The following LRRC66 variants were observed in gnomAD, a reference collection of about 807,000 sequenced individuals.
The protein encoded by LRRC66 is leucine rich repeat containing 66, also known as leucine-rich repeat-containing protein 66.
LRRC66 carries 29 observed loss-of-function variants against 24.6 expected under a neutral mutation model. The ratio of observed to expected loss-of-function variants is 1.18; its 90% CI spans 0.88 to 1.61. The LOEUF (loss-of-function observed/expected upper bound fraction) is 1.61, where lower values mean the gene tolerates loss of function less well. LRRC66 is among the 40% of genes most tolerant of loss of function. The pLI is 0.00. For synonymous variants in LRRC66, 411 were observed against 397.6 expected (o/e 1.03, Z -0.40); for missense variants, 1,124 against 1,058.0 (o/e 1.06, Z -0.87).
chr4:52,016,830 G>A (rs188186887), intron 2 of LRRC66, among the ~76,000 whole-genome samples: 36 of 152,188 alleles, frequency 2.4e-4, no homozygotes, highest in Non-Finnish European at 4.7e-4. Flanking sequence ...ATTAAAGTAG[G>A]TAACTTACAA....
intron 2 of LRRC66, among the ~76,000 whole-genome samples, chr4:52,004,283 C>T (rs1736525526): frequency 6.6e-6 from 1 of 152,236 alleles, no homozygotes; most frequent in Non-Finnish European, 1.5e-5. Flanking sequence ...GCTGGGATTA[C>T]AGGCATAAGC....
At chr4:52,019,157 G>A (rs1232404490) in intron 1 of LRRC66, among the ~76,000 whole-genome samples, 1 of 152,194 alleles carries the variant, frequency 6.6e-6, no homozygotes, top group African/African-American at 2.4e-5. Flanking sequence ...TTACAGGCGT[G>A]AGCCACCACA....
At chr4:52,014,785 C>T (rs936242949) in intron 2 of LRRC66, among the ~76,000 whole-genome samples, 1 of 152,200 alleles carries the variant, frequency 6.6e-6, no homozygotes, top group African/African-American at 2.4e-5. Flanking sequence ...TGAATTATAT[C>T]CAATCAGATT....
chr4:52,004,102 G>A (rs185075495), intron 2 of LRRC66, among the ~76,000 whole-genome samples: 5 of 152,094 alleles, frequency 3.3e-5, no homozygotes, highest in Non-Finnish European at 4.4e-5. Flanking sequence ...TCCCGGGTTC[G>A]AGTGATTCTC....
At chr4:52,014,044 A>G (rs950323121) in intron 2 of LRRC66, among the ~76,000 whole-genome samples, 3 of 152,242 alleles carry the variant, frequency 2.0e-5, no homozygotes, top group East Asian at 1.9e-4. Context: ...ACCTGAGATC[A>G]GGAGTTCGAG....
rs1736293356 is a variant in LRRC66, at chr4:51,995,771, G to T, written c.1251C>A (p.Asp417Glu). 1 of 1,613,988 alleles carries T rather than the reference G, an allele frequency of 6.2e-7. No homozygotes were observed. Among genetic ancestry groups the T allele is most frequent in the African/African-American group, 1.3e-5 (1 of 74,902 alleles). The change falls in exon 5 of 5, where the codon GAC becomes GAA. Residue 417 changes from aspartate to glutamate, a missense_variant. Transcript: ENST00000682860. ...AGAAGCCCTCGTTTGAATACGCGTT[G>T]TCCAGGCCAGGGCTTTTGCTCTGGC... ...KKCQSKSPGL[D>E]NAYSNEGFYD...
At position 51,995,863 on chromosome 4, in the gene LRRC66, A is replaced by G. The variant is rs371868690; in HGVS notation, c.1159T>C (p.Phe387Leu). 1.4e-5 allele frequency: 23 copies of G among 1,614,052 alleles called. No individual in the cohort carries two copies. Among genetic ancestry groups the G allele is most frequent in the Non-Finnish European group, 1.9e-5 (23 of 1,180,034 alleles). ...GCCCCCAGGCTGAAGGCGACAAGGAATGTGATGAACACTGACAGGCACACC... is the reference window on the plus strand; with the variant it reads ...GCCCCCAGGCTGAAGGCGACAAGGAGTGTGATGAACACTGACAGGCACACC... ...LAVCLSVFIT[F>L]LVAFSLGAFT... Residue 387 changes from phenylalanine to leucine, a missense_variant, in exon 5 of 5, where the codon TTC becomes CTC. Physicochemically the swap from Phe to Leu is conservative, Grantham distance 22 (BLOSUM62 0). Transcript: ENST00000682860.
At chr4:52,010,105 G>T (rs1736666945) in intron 2 of LRRC66, among the ~76,000 whole-genome samples, 1 of 152,146 alleles carries the variant, frequency 6.6e-6, no homozygotes, top group Admixed American at 6.5e-5. Flanking sequence ...AGTAGATCCA[G>T]AAAAGGTCTT....
intron 3 of LRRC66, among the ~76,000 whole-genome samples, chr4:52,002,899 C>A (rs915832292): frequency 6.6e-6 from 1 of 152,132 alleles, no homozygotes; most frequent in Admixed American, 6.5e-5. Context: ...AGGGAGACAG[C>A]CTCACTAATA....
In LRRC66 at chr4:51,995,355, G is replaced by A. The variant is rs1292945744; in HGVS notation, c.1667C>T (p.Ser556Phe). 8 of 1,614,066 alleles carry A rather than the reference G, an allele frequency of 5.0e-6. No homozygotes were observed. The highest frequency in any genetic ancestry group is 4.0e-5 in the African/African-American group (3 of 74,920). ...AGCGTGAGACGTGCCAGCTACAGAA[G>A]AGACGCCCACTGAATGTGCACTGAG... ...EPLSAHSVGV[S>F]SVAGTSHAVS... The change falls in exon 5 of 5, where the codon TCT becomes TTT. Residue 556 changes from serine to phenylalanine, a missense_variant. Physicochemically the swap from Ser to Phe is radical, Grantham distance 155 (BLOSUM62 -2). Coordinates refer to ENST00000682860, the MANE Select transcript of LRRC66 (RefSeq NM_001024611.3).
Position 51,995,812 on chromosome 4 carries a change from G to C in LRRC66, c.1210C>G (p.Leu404Val), listed in dbSNP as rs140164230. Residue 404 changes from leucine to valine, a missense_variant, in exon 5 of 5, where the codon CTG (leucine) becomes GTG (valine). Coordinates refer to ENST00000682860, the MANE Select transcript of LRRC66 (RefSeq NM_001024611.3). ...GAFTRPYVDRLWQKKCQSKSP... is the reference protein window; with the variant it reads ...GAFTRPYVDRVWQKKCQSKSP... ...TTGCTCTGGCACTTTTTTTGCCACA[G>C]TCTGTCAACATAAGGCCTTGTGAAA... 5.3e-4 allele frequency: 857 copies of C among 1,614,122 alleles called. 8 individuals are homozygous for C. In the African/African-American group the frequency reaches 9.8e-3, roughly 18 times the overall value.
chr4:52,016,200 G>A (rs775523280), intron 2 of LRRC66, among the ~76,000 whole-genome samples: 3 of 152,094 alleles, frequency 2.0e-5, no homozygotes, highest in Non-Finnish European at 2.9e-5. Context: ...GGCTATTATT[G>A]CCAAAATGAT....
At chr4:52,019,442 GTTGT>G (rs1736895243) in intron 1 of LRRC66, among the ~76,000 whole-genome samples, 1 of 151,980 alleles carries the variant, frequency 6.6e-6, no homozygotes, top group Non-Finnish European at 1.5e-5. Context: ...ACTGGGTTAT[GTTGT>G]TTGTGTGTAA....
chr4:51,995,583 T>C lies in LRRC66; in HGVS notation c.1439A>G (p.Lys480Arg). The C allele has an allele frequency of 6.2e-7, 1 of 1,614,152 alleles. No homozygotes were observed. Among genetic ancestry groups the C allele is most frequent in the Non-Finnish European group, 8.5e-7 (1 of 1,180,030 alleles). The stretch of plus-strand genomic sequence containing the variant: ...TGGGCTCTGCGAACTGCCAGGATCC[T>C]TTCTGCTCCTTCCCAGAGTTCTATC... ...IPDRTLGRSR[K>R]DPGSSQSPGQ... is the part of the protein sequence containing the mutation. The change falls in exon 5 of 5, where the codon AAG becomes AGG. Residue 480 changes from lysine to arginine, a missense_variant. Lys to Arg is a conservative substitution (Grantham distance 26). Coordinates refer to ENST00000682860, the MANE Select transcript of LRRC66 (RefSeq NM_001024611.3).
rs542313570 is a variant in LRRC66 at position 52,004,095 on chromosome 4, C to T, written c.497-703G>A. Among the ~76,000 whole-genome samples the T allele has an allele frequency of 1.1e-4, 17 of 152,236 alleles. No individual in the cohort carries two copies. The South Asian group carries it at 1.9e-3, about 17-fold the overall frequency. ...CCCACTCATTGCAACTTCCACCTCC[C>T]GGGTTCGAGTGATTCTCCTGCCTCA... is the stretch of plus-strand genomic sequence containing the variant. On this transcript the variant is annotated intron_variant, in intron 2 of 4. Coordinates refer to ENST00000682860, the MANE Select transcript of LRRC66 (RefSeq NM_001024611.3).
chr4:51,998,534 G>A (rs1375264840), intron 3 of LRRC66, among the ~76,000 whole-genome samples: 1 of 152,184 alleles, frequency 6.6e-6, no homozygotes, highest in African/African-American at 2.4e-5. Context: ...TTACAGGCAC[G>A]CACCTGACCT....
chr4:52,020,258 C>T (rs959000891), intron 1 of LRRC66, among the ~76,000 whole-genome samples, 46 bp downstream of exon 1: 2 of 152,168 alleles, frequency 1.3e-5, no homozygotes, highest in Admixed American at 6.5e-5. Context: ...GAGGCTATTT[C>T]GGGTAAGGAC....
At position 52,007,328 on chromosome 4, in the gene LRRC66, GCCA is replaced by G. The variant is rs994881493; in HGVS notation, c.497-3939_497-3937del. Reference sequence around the variant, plus strand: ...AGAGTAGCTTGGACTACAGGTGTGTGCCACTATGTCTGGCTATTTTTTTTTCTT... The same window carrying G: ...AGAGTAGCTTGGACTACAGGTGTGTGCTATGTCTGGCTATTTTTTTTTCTT... On this transcript the variant is annotated intron_variant, in intron 2 of 4. Transcript: ENST00000682860. 5.0e-4 allele frequency among the ~76,000 whole-genome samples: 76 copies of G among 152,180 alleles called. 1 individual carries two copies. The highest frequency in any genetic ancestry group is 9.7e-4 in the Non-Finnish European group (66 of 68,002).
Position 51,993,989 on chromosome 4 carries a change from T to C in LRRC66, c.*390A>G, listed in dbSNP as rs1000426744. 1 of 167,680 alleles carries C rather than the reference T, an allele frequency of 6.0e-6. No individual in the cohort carries two copies. Among genetic ancestry groups the C allele is most frequent in the Non-Finnish European group, 1.3e-5 (1 of 78,394 alleles). 10.4% of individuals were successfully genotyped at this position (167,680 alleles called of 1,614,324 possible). The stretch of plus-strand genomic sequence containing the variant: ...TTTGAGAAGGAAAGTTAGAACCACT[T>C]CGTCTAACTGCAACAGATTCTCTTC... On this transcript the variant is annotated 3_prime_UTR_variant, in exon 5 of 5. Coordinates refer to ENST00000682860, the MANE Select transcript of LRRC66 (RefSeq NM_001024611.3).
Sources: allele counts gnomAD v4.1 joint callset (sites outside exome capture counted in the v4.1 genomes callset), GRCh38; gene constraint gnomAD v4.1.1; transcripts MANE v1.5; gene names NCBI Gene and HGNC (gene_info 2026-07-23, HGNC 2026-07-21).